Variants in SIRPB1 observed in about 807,000 individuals in gnomAD.
SIRPB1 encodes the protein signal-regulatory protein beta-1.
Under a neutral mutation model 34.1 loss-of-function variants are expected in SIRPB1, and 28 were observed. The ratio of observed to expected loss-of-function variants is 0.82; its 90% confidence interval spans 0.61 to 1.12. SIRPB1 has a LOEUF of 1.12. Ranked by LOEUF, SIRPB1 falls within the 50% of genes most tolerant of loss-of-function variation. The pLI is 0.00. For missense variants in SIRPB1, 499 were observed against 507.0 expected (o/e 0.98, Z 0.15); for synonymous variants, 211 against 203.8 (o/e 1.04, Z -0.30).
At position 1,596,738 on chromosome 20, in the gene SIRPB1, C is replaced by T. The variant is rs1001644590; in HGVS notation, c.77-18044G>A. ...CACGCAGCTGTTGCGGGGAAGAAGC[C>T]GAGGAATGACAGGATTTGACTTTTC... is the stretch of plus-strand genomic sequence containing the variant. On this transcript the variant is annotated intron_variant, in intron 1 of 5. Transcript: ENST00000381605. Among the ~76,000 whole-genome samples, 3 of 48,714 alleles carry T rather than the reference C, an allele frequency of 6.2e-5. 1 individual carries two copies. The highest frequency in any genetic ancestry group is 2.8e-4 in the Admixed American group (2 of 7,242). The allele number at this position is 48,714 out of a possible 152,430, so 32.0% of individuals were successfully genotyped here.
In SIRPB1 at chr20:1,618,882, C is replaced by G. The variant is rs762540627; in HGVS notation, c.76+987G>C. 3.3e-5 allele frequency among the ~76,000 whole-genome samples: 5 copies of G among 152,226 alleles called. No homozygotes were observed. The South Asian group carries it at 8.3e-4, about 25-fold the overall frequency. On this transcript the variant is annotated intron_variant, in intron 1 of 5. Coordinates refer to ENST00000381605, the MANE Select transcript of SIRPB1 (RefSeq NM_006065.5). ...AGGAGGTTGTAGTACCTGTTATGGG[C>G]TGAATGTGTCCCACAAAATGCATGT... is the stretch of plus-strand genomic sequence containing the variant.
At chr20:1,577,893 C>T (rs576574599) in intron 2 of SIRPB1, among the ~76,000 whole-genome samples, 2 of 147,744 alleles carry the variant, frequency 1.4e-5, no homozygotes, top group African/African-American at 2.5e-5. Context: ...CTGCTGTTTG[C>T]GCAGCATCCA....
At position 1,571,047 on chromosome 20, in the gene SIRPB1, C is replaced by A; in HGVS notation, c.842G>T (p.Gly281Val). The A allele has an allele frequency of 3.7e-6, 6 of 1,614,172 alleles. No individual in the cohort carries two copies. The highest frequency in any genetic ancestry group is 5.1e-6 in the Non-Finnish European group (6 of 1,179,998). The change falls in exon 4 of 6, where the codon GGA becomes GTA. Residue 281 changes from glycine (G) to valine (V), a missense_variant. By Grantham distance (109) the Gly-to-Val change is moderately radical. Coordinates refer to ENST00000381605, the MANE Select transcript of SIRPB1 (RefSeq NM_006065.5). ...TCQVSNFYPR[G>V]LQLTWLENGN... Reference sequence around the variant, plus strand: ...ATTCTCCAACCAGGTCAGCTGTAGTCCCCGGGGGTAGAAATTGCTCACCTG... The same window carrying A: ...ATTCTCCAACCAGGTCAGCTGTAGTACCCGGGGGTAGAAATTGCTCACCTG...
At position 1,566,213 on chromosome 20, in the gene SIRPB1, T is replaced by C. The variant is rs1202244828; in HGVS notation, c.1139A>G (p.Lys380Arg). ...AGAGACACCAACCACCAGTAGCAGC[T>C]TGGGGCCCAGGAGGAGAGCTACGAG... ...PLLVALLLGP[K>R]LLLVVGVSAI... is the part of the protein sequence containing the mutation. The change falls in exon 5 of 6, where the codon AAG (lysine) becomes AGG (arginine). Residue 380 changes from lysine (K) to arginine (R), a missense_variant. Lys to Arg is a conservative substitution (Grantham distance 26, BLOSUM62 2). Coordinates refer to ENST00000381605, the MANE Select transcript of SIRPB1 (RefSeq NM_006065.5). 5.0e-6 allele frequency: 8 copies of C among 1,612,454 alleles called. No homozygotes were observed. The highest frequency in any genetic ancestry group is 2.2e-5 in the East Asian group (1 of 44,818).
chr20:1,616,622 C>T (rs2091633701), intron 1 of SIRPB1, among the ~76,000 whole-genome samples: 1 of 152,048 alleles, frequency 6.6e-6, no homozygotes, highest in Non-Finnish European at 1.5e-5. Context: ...AAGAAAAGTG[C>T]CATGACATTG....
In SIRPB1 at chr20:1,563,971, T is replaced by G. The variant is rs1368748730; in HGVS notation, c.*1529A>C. ...ACTATATCACTCCATATTAGAAATA[T>G]ACAAAAAAAGGCAAGCACTCTTCCA... On this transcript the variant is annotated 3_prime_UTR_variant, in exon 6 of 6. Coordinates refer to ENST00000381605, the MANE Select transcript of SIRPB1 (RefSeq NM_006065.5). 1 of 152,094 alleles carries G rather than the reference T, an allele frequency of 6.6e-6. No individual in the cohort carries two copies. The highest frequency in any genetic ancestry group is 1.5e-5 in the Non-Finnish European group (1 of 68,014). 9.4% of individuals were successfully genotyped at this position (152,094 alleles called of 1,614,324 possible). A position where few individuals can be genotyped will look rare whatever the true frequency, so the allele number is the denominator to read the frequency against.
At chr20:1,575,874 AG>A (rs2091301355) in intron 2 of SIRPB1, among the ~76,000 whole-genome samples, 1 of 78,126 alleles carries the variant, frequency 1.3e-5, no homozygotes, top group East Asian at 2.9e-4. Context: ...ACAAAGACAA[AG>A]GCTGTGAGTC....
intron 1 of SIRPB1, among the ~76,000 whole-genome samples, chr20:1,609,580 T>C (rs2091544434): frequency 1.4e-5 from 1 of 71,518 alleles, no homozygotes; most frequent in Admixed American, 1.1e-4. Context: ...TAAGGACCTT[T>C]CTTATGTATT....
chr20:1,573,705 C>T (rs2091273945), intron 2 of SIRPB1, among the ~76,000 whole-genome samples: 1 of 147,668 alleles, frequency 6.8e-6, no homozygotes, highest in African/African-American at 2.5e-5. Context: ...CTTCAATCCT[C>T]CTTCTATTTG....
chr20:1,561,487 A>G lies in SIRPB1; in HGVS notation c.*4013T>C, dbSNP rs1466766606. Among the ~76,000 whole-genome samples the G allele has an allele frequency of 6.6e-6, 1 of 152,058 alleles. No individual in the cohort carries two copies. The highest frequency in any genetic ancestry group is 1.5e-5 in the Non-Finnish European group (1 of 67,998). On this transcript the variant is annotated 3_prime_UTR_variant, in exon 6 of 6. Coordinates refer to ENST00000381605, the MANE Select transcript of SIRPB1 (RefSeq NM_006065.5). ...AGGATACCTGTTACATTTACTTGTC[A>G]TATCTCCTCAAGCTTCTCTTGGCTA...
chr20:1,567,179 G>A (rs1352109896), intron 4 of SIRPB1, among the ~76,000 whole-genome samples: 2 of 152,178 alleles, frequency 1.3e-5, no homozygotes, highest in Non-Finnish European at 2.9e-5. Context: ...GAGTGTTGGA[G>A]TGTTGCAGGC....
rs377447664 is a variant in SIRPB1 at position 1,566,184 on chromosome 20, T to C, written c.1168A>G (p.Ile390Val). ...GCCTTCTGTTTCCAGCAGATGTAGA[T>C]GGCAGAGACACCAACCACCAGTAGC... ...KLLLVVGVSA[I>V]YICWKQKA Residue 390 changes from isoleucine (I) to valine (V), a missense_variant, in exon 5 of 6, where the codon ATC becomes GTC. Transcript: ENST00000381605. 1.5e-5 allele frequency: 24 copies of C among 1,611,402 alleles called. No individual in the cohort carries two copies. Among genetic ancestry groups the C allele is most frequent in the South Asian group, 1.1e-4 (10 of 90,368 alleles).
At chr20:1,565,906 C>T (rs1233617190) in intron 5 of SIRPB1, among the ~76,000 whole-genome samples, 1 of 152,034 alleles carries the variant, frequency 6.6e-6, no homozygotes, top group East Asian at 1.9e-4. Flanking sequence ...CCACTGGGGA[C>T]AACTTTGAAC....
In SIRPB1 at chr20:1,576,087, C is replaced by T. The variant is rs542042153; in HGVS notation, c.433+2251G>A. ...TTCTCATGTAGCTCATCATTTAGGCCGAGAGCATGGCAAAGAGGAGTGAGT... is the reference window on the plus strand; with the variant it reads ...TTCTCATGTAGCTCATCATTTAGGCTGAGAGCATGGCAAAGAGGAGTGAGT... On this transcript the variant is annotated intron_variant, in intron 2 of 5. Transcript: ENST00000381605. Among the ~76,000 whole-genome samples the T allele has an allele frequency of 1.4e-4, 20 of 140,644 alleles. 1 individual carries two copies. Among genetic ancestry groups the T allele is most frequent in the African/African-American group, 3.9e-4 (15 of 38,942 alleles). The allele number at this position is 140,644 out of a possible 152,430, so 92.3% of individuals were successfully genotyped here.
chr20:1,578,786 G>T, intron 1 of SIRPB1, 92 bp from the exon 2 acceptor site: 1 of 1,122,460 alleles, frequency 8.9e-7, no homozygotes, highest in African/African-American at 1.5e-5. Context: ...TTGACTGGGT[G>T]CACACCAGGA....
At chr20:1,615,423 T>A (rs978394599) in intron 1 of SIRPB1, among the ~76,000 whole-genome samples, 2 of 152,196 alleles carry the variant, frequency 1.3e-5, no homozygotes, top group Admixed American at 1.3e-4. Flanking sequence ...AACCATAAAT[T>A]GTCCCAAAGC....
In SIRPB1 at chr20:1,571,138, C is replaced by A. The variant is rs772127599; in HGVS notation, c.752-1G>T. ...TGAGTAACCTCCAAGGTGGGTGGAACTGAAACAGCACAGGGCAGAAGCTCT... is the reference window on the plus strand; with the variant it reads ...TGAGTAACCTCCAAGGTGGGTGGAAATGAAACAGCACAGGGCAGAAGCTCT... On this transcript the variant is annotated splice_acceptor_variant, in intron 3 of 5. Transcript: ENST00000381605. LOFTEE classifies it high-confidence loss of function. 3.7e-6 allele frequency: 6 copies of A among 1,612,078 alleles called. No homozygotes were observed. Among genetic ancestry groups the A allele is most frequent in the Non-Finnish European group, 5.1e-6 (6 of 1,178,806 alleles).
chr20:1,614,784 G>C (rs1175738714), intron 1 of SIRPB1, among the ~76,000 whole-genome samples: 2 of 152,030 alleles, frequency 1.3e-5, no homozygotes, highest in Non-Finnish European at 2.9e-5. Flanking sequence ...AACTCAGGTG[G>C]AAAGTTCCTA....
chr20:1,578,216 A>C, intron 2 of SIRPB1, 122 bp downstream of exon 2: 1 of 1,059,088 alleles, frequency 9.4e-7, no homozygotes, highest in Non-Finnish European at 1.4e-6. Context: ...GGGTGACATC[A>C]GTTCATGAAA....
Sources: gnomAD v4.1 joint callset for allele counts (sites outside exome capture counted in the v4.1 genomes callset) on GRCh38, gnomAD v4.1.1 for gene constraint, MANE v1.5 for transcripts, NCBI Gene and HGNC (gene_info 2026-07-23, HGNC 2026-07-21) for gene names.